ARL16: variants seen among roughly 807,000 people sequenced by gnomAD.
ARL16 encodes the protein ARF like GTPase 16.
ARL16 carries 21 observed loss-of-function variants against 14.1 expected under a neutral mutation model. That is an observed-to-expected ratio of 1.48 (90% CI 1.05 to 2.14). The LOEUF (loss-of-function observed/expected upper bound fraction) is 2.14, where lower values mean the gene tolerates loss of function less well. ARL16 is among the 30% of genes most tolerant of loss of function. The probability of loss-of-function intolerance (pLI) is 0.00; values close to 1 mark genes in which losing one functional copy is unlikely to be tolerated. For synonymous variants in ARL16, 122 were observed against 91.8 expected, an observed-to-expected ratio of 1.33 and a Z score of -1.88; for missense variants, 248 against 222.0, an observed-to-expected ratio of 1.12 and a Z score of -0.74.
chr17:81,682,253 A>G, intron 3 of ARL16, 104 bp from the exon 4 acceptor site: 1 of 798,506 alleles, frequency 1.3e-6, no homozygotes, highest in East Asian at 3.0e-5. Flanking sequence ...TTTTTAATTA[A>G]TTAATTTATT....
chr17:81,682,078 T>C lies in ARL16; in HGVS notation c.306A>G (p.Ala102=). ...SCVQLLGLLS[A]EQLAEASVLI... ...GCACCGATGCTTCTGCAAGTTGTTC[T>C]GCAGAAAGGAGACCTAAGAGCTGCA... The change falls in exon 4 of 5, where the codon GCA becomes GCG. Residue 102 remains alanine (A), a synonymous_variant. Coordinates refer to ENST00000622299, the MANE Select transcript of ARL16 (RefSeq NM_001040025.3). The C allele has an allele frequency of 6.2e-7, 1 of 1,613,274 alleles. No individual in the cohort carries two copies. Among genetic ancestry groups the C allele is most frequent in the Non-Finnish European group, 8.5e-7 (1 of 1,179,704 alleles).
rs752132588 is a variant in ARL16, at chr17:81,682,922, C to A, written c.234+91G>T. On this transcript the variant is annotated intron_variant, in intron 3 of 4. Coordinates refer to ENST00000622299, the MANE Select transcript of ARL16 (RefSeq NM_001040025.3). ...AGTATAGTCACTAAATAACCCAAAC[C>A]CCTTTCTACACACAGCAAGGTTGGG... 3.3e-5 allele frequency: 38 copies of A among 1,159,328 alleles called. No individual in the cohort carries two copies. The South Asian group carries it at 4.8e-4, about 15-fold the overall frequency. 71.8% of individuals were successfully genotyped at this position (1,159,328 alleles called of 1,614,324 possible). A position where few individuals can be genotyped will look rare whatever the true frequency, so the allele number is the denominator to read the frequency against.
Position 81,683,521 on chromosome 17 carries a change from G to A in ARL16, c.120+15C>T, listed in dbSNP as rs781396372. Reference sequence around the variant, plus strand: ...CTGACCCCCCGCAACTCCACCCGCGGGGGCGGACACCTACCGTGGGCCGTG... The same window carrying A: ...CTGACCCCCCGCAACTCCACCCGCGAGGGCGGACACCTACCGTGGGCCGTG... On this transcript the variant is annotated intron_variant, in intron 2 of 4. Transcript: ENST00000622299. 6 of 1,561,260 alleles carry A rather than the reference G, an allele frequency of 3.8e-6. No homozygotes were observed. Among genetic ancestry groups the A allele is most frequent in the Non-Finnish European group, 5.2e-6 (6 of 1,158,692 alleles).
intron 3 of ARL16, chr17:81,682,484 C>T (rs2144466335): frequency 5.3e-6 from 1 of 189,990 alleles, no homozygotes; most frequent in Non-Finnish European, 1.1e-5. Flanking sequence ...CCTCGTGATT[C>T]GCCCACCTCA....
chr17:81,682,893 G>A (rs749411142), intron 3 of ARL16, 120 bp downstream of exon 3: 1 of 889,030 alleles, frequency 1.1e-6, no homozygotes, highest in Non-Finnish European at 1.8e-6. Flanking sequence ...CTATTTCCAT[G>A]AGTAGTATAG....
chr17:81,681,889 A>C lies in ARL16; in HGVS notation c.351-10T>G. On this transcript the variant is annotated splice_polypyrimidine_tract_variant and intron_variant, in intron 4 of 4. Transcript: ENST00000622299. ...GTAACAGGGTAGGTCGCTGGAGAGA[A>C]AGAGGTGCCCCATCAGAGCAGTGGC... 6.2e-7 allele frequency: 1 copy of C among 1,610,424 alleles called. No individual in the cohort carries two copies.
At position 81,682,212 on chromosome 17, in the gene ARL16, C is replaced by A. The variant is rs564310590; in HGVS notation, c.235-63G>T. ...GCCAAACTTCCTCCCCTGGGCCTCA[C>A]AGACCTGGCACTGGGAGAGCAAAAC... On this transcript the variant is annotated intron_variant, in intron 3 of 4. Coordinates refer to ENST00000622299, the MANE Select transcript of ARL16 (RefSeq NM_001040025.3). 134 of 1,263,516 alleles carry A rather than the reference C, an allele frequency of 1.1e-4. No individual in the cohort carries two copies. The Admixed American group carries it at 3.5e-3, about 33-fold the overall frequency. 78.3% of individuals were successfully genotyped at this position (1,263,516 alleles called of 1,614,324 possible). A position where few individuals can be genotyped will look rare whatever the true frequency, so the allele number is the denominator to read the frequency against.
Position 81,682,063 on chromosome 17 carries a change from T to G in ARL16, c.321A>C (p.Glu107Asp). Residue 107 changes from glutamate (E) to aspartate (D), a missense_variant, in exon 4 of 5, where the codon GAA (glutamate) becomes GAC (aspartate). Coordinates refer to ENST00000622299, the MANE Select transcript of ARL16 (RefSeq NM_001040025.3). ...LGLLSAEQLAEASVLILFNKI... is the reference protein window; with the variant it reads ...LGLLSAEQLADASVLILFNKI... Reference sequence around the variant, plus strand: ...TATTGAAGAGTATCAGCACCGATGCTTCTGCAAGTTGTTCTGCAGAAAGGA... The same window carrying G: ...TATTGAAGAGTATCAGCACCGATGCGTCTGCAAGTTGTTCTGCAGAAAGGA... 1 of 1,612,976 alleles carries G rather than the reference T, an allele frequency of 6.2e-7. No homozygotes were observed. The highest frequency in any genetic ancestry group is 1.7e-5 in the Admixed American group (1 of 59,918).
At position 81,683,740 on chromosome 17, in the gene ARL16, A is replaced by G; in HGVS notation, c.14T>C (p.Leu5Pro). The change falls in exon 1 of 5, where the codon CTG (leucine) becomes CCG (proline). Residue 5 changes from leucine to proline, a missense_variant. Transcript: ENST00000622299. MCLLLGATGVGKTLL... is the reference protein window; with the variant it reads MCLLPGATGVGKTLL... ...CGTCTTCCCGACGCCCGTGGCCCCC[A>G]GCAGGAGACACATTCCGTGCTTCGC... is the stretch of plus-strand genomic sequence containing the variant. The G allele has an allele frequency of 6.2e-7, 1 of 1,608,120 alleles. No homozygotes were observed. Among genetic ancestry groups the G allele is most frequent in the Non-Finnish European group, 8.5e-7 (1 of 1,178,928 alleles).
rs765318010 is a variant in ARL16 at position 81,682,029 on chromosome 17, C to T, written c.350+5G>A. The T allele has an allele frequency of 1.9e-6, 3 of 1,604,478 alleles. No homozygotes were observed. The highest frequency in any genetic ancestry group is 1.7e-6 in the Non-Finnish European group (2 of 1,174,676). On this transcript the variant is annotated splice_donor_5th_base_variant and intron_variant, in intron 4 of 4. Transcript: ENST00000622299. ...TGTGCTCCCTCTCAGCTCAGGGACG[C>T]GTACATTTTATTGAAGAGTATCAGC...
chr17:81,682,983 A>C (rs1368788841), intron 3 of ARL16, 30 bp downstream of exon 3: 1 of 1,583,124 alleles, frequency 6.3e-7, no homozygotes, highest in African/African-American at 1.3e-5. Flanking sequence ...ACACTTCCCT[A>C]AAGGAAGCCC....
chr17:81,682,191 A>C, intron 3 of ARL16, 42 bp from the exon 4 acceptor site: 1 of 1,471,042 alleles, frequency 6.8e-7, no homozygotes, highest in Non-Finnish European at 9.2e-7. Context: ...CCCGCTGCCA[A>C]ACTTCCTCCC....
In ARL16 at chr17:81,683,711, G is replaced by T; in HGVS notation, c.43C>A (p.Leu15Met). 1 of 1,606,704 alleles carries T rather than the reference G, an allele frequency of 6.2e-7. No homozygotes were observed. The highest frequency in any genetic ancestry group is 8.5e-7 in the Non-Finnish European group (1 of 1,177,774). ...AGGATATCCTGCAGCCGTTTCACCA[G>T]CAGCGTCTTCCCGACGCCCGTGGCC... is the stretch of plus-strand genomic sequence containing the variant. ...LGATGVGKTL[L>M]VKRLQEVSSR... Residue 15 changes from leucine to methionine, a missense_variant, in exon 1 of 5, where the codon CTG becomes ATG. Leu to Met is a conservative substitution (Grantham distance 15). Coordinates refer to ENST00000622299, the MANE Select transcript of ARL16 (RefSeq NM_001040025.3).
At position 81,683,674 on chromosome 17, in the gene ARL16, T is replaced by A. The variant is rs761722942; in HGVS notation, c.61+19A>T. 37 of 1,595,788 alleles carry A rather than the reference T, an allele frequency of 2.3e-5. 1 individual carries two copies. The South Asian group carries it at 3.9e-4, about 17-fold the overall frequency. ...GGGTGCCCCCCGCGCCCCGGTCCCGTCCCCGCGCGGAAGGATATCCTGCAG... is the reference window on the plus strand; with the variant it reads ...GGGTGCCCCCCGCGCCCCGGTCCCGACCCCGCGCGGAAGGATATCCTGCAG... On this transcript the variant is annotated intron_variant, in intron 1 of 4. Coordinates refer to ENST00000622299, the MANE Select transcript of ARL16 (RefSeq NM_001040025.3).
In ARL16 at chr17:81,681,503, T is replaced by A; in HGVS notation, c.*205A>T. On this transcript the variant is annotated 3_prime_UTR_variant, in exon 5 of 5. Transcript: ENST00000622299. The stretch of plus-strand genomic sequence containing the variant: ...GGTGTGAGCCACCATGCCTAGCCCC[T>A]GGGGACACTTTTTTCAGAGGCCAGA... 1 of 630,050 alleles carries A rather than the reference T, an allele frequency of 1.6e-6. No individual in the cohort carries two copies. Among genetic ancestry groups the A allele is most frequent in the Admixed American group, 3.4e-5 (1 of 29,130 alleles). 39.0% of individuals were successfully genotyped at this position (630,050 alleles called of 1,614,324 possible).
rs375499175 is a variant in ARL16, at chr17:81,683,520, G to A, written c.120+16C>T. On this transcript the variant is annotated intron_variant, in intron 2 of 4. Coordinates refer to ENST00000622299, the MANE Select transcript of ARL16 (RefSeq NM_001040025.3). ...ACTGACCCCCCGCAACTCCACCCGC[G>A]GGGGCGGACACCTACCGTGGGCCGT... The A allele has an allele frequency of 6.4e-7, 1 of 1,558,872 alleles. No individual in the cohort carries two copies. The highest frequency in any genetic ancestry group is 8.6e-7 in the Non-Finnish European group (1 of 1,157,566).
At position 81,682,030 on chromosome 17, in the gene ARL16, G is replaced by A. The variant is rs2036855597; in HGVS notation, c.350+4C>T. The A allele has an allele frequency of 1.9e-6, 3 of 1,604,338 alleles. No individual in the cohort carries two copies. The highest frequency in any genetic ancestry group is 1.1e-5 in the South Asian group (1 of 90,206). ...GTGCTCCCTCTCAGCTCAGGGACGC[G>A]TACATTTTATTGAAGAGTATCAGCA... On this transcript the variant is annotated splice_donor_region_variant and intron_variant, in intron 4 of 4. Coordinates refer to ENST00000622299, the MANE Select transcript of ARL16 (RefSeq NM_001040025.3).
chr17:81,682,135 G>A lies in ARL16; in HGVS notation c.249C>T (p.Ala83=). The change falls in exon 4 of 5, where the codon GCC becomes GCT. Residue 83 remains alanine, a synonymous_variant. Coordinates refer to ENST00000622299, the MANE Select transcript of ARL16 (RefSeq NM_001040025.3). The part of the protein sequence containing the change: ...NCRSLLFVMD[A]SDPTQLSASC... ...ATGCAGAGAGCTGGGTGGGGTCAGA[G>A]GCGTCCATCACAAACTGGGGAAAAA... is the stretch of plus-strand genomic sequence containing the variant. The A allele has an allele frequency of 1.2e-6, 2 of 1,607,644 alleles. No individual in the cohort carries two copies. The highest frequency in any genetic ancestry group is 1.7e-6 in the Non-Finnish European group (2 of 1,177,682).
chr17:81,682,293 G>A (rs935999937), intron 3 of ARL16, 144 bp from the exon 4 acceptor site: 2 of 603,200 alleles, frequency 3.3e-6, no homozygotes, highest in Non-Finnish European at 5.6e-6. Context: ...TCCGAGTGCA[G>A]TGGCACGATC....
Sources: gnomAD v4.1 joint callset for allele counts on GRCh38, gnomAD v4.1.1 for gene constraint, MANE v1.5 for transcripts, NCBI Gene and HGNC (gene_info 2026-07-23, HGNC 2026-07-21) for gene names.